The following FRAS1 variants were observed in gnomAD, a reference collection of about 807,000 sequenced individuals.
FRAS1 encodes the protein Fraser extracellular matrix complex subunit 1.
In FRAS1, 290 loss-of-function variants were observed where a neutral mutation model predicts 435.2. The observed-to-expected ratio is 0.67, with a 90% CI of 0.61 to 0.73. FRAS1 has a LOEUF of 0.73. FRAS1 is among the 30% of genes least tolerant of loss of function. FRAS1 has a pLI of 0.00. For missense variants in FRAS1, 4,860 were observed against 5,001.5 expected, an observed-to-expected ratio of 0.97 and a Z score of 0.85; for synonymous variants, 1,800 against 1,851.0, an observed-to-expected ratio of 0.97 and a Z score of 0.71.
chr4:78,409,621 T>C (rs1366268510), intron 31 of FRAS1, among the ~76,000 whole-genome samples: 1 of 152,194 alleles, frequency 6.6e-6, no homozygotes, highest in African/African-American at 2.4e-5. Flanking sequence ...CTGGCGAGCA[T>C]GATTTGGAAA....
chr4:78,329,465 C>T (rs1481664596), intron 18 of FRAS1, among the ~76,000 whole-genome samples: 3 of 152,196 alleles, frequency 2.0e-5, no homozygotes, highest in South Asian at 4.1e-4. Context: ...CCACCACTGC[C>T]GGAATGGCAT....
chr4:78,355,298 G>T (rs1200270855), intron 20 of FRAS1, among the ~76,000 whole-genome samples: 1 of 152,006 alleles, frequency 6.6e-6, no homozygotes, highest in East Asian at 1.9e-4. Context: ...TTCCATCTGT[G>T]CTCCCCCCAC....
chr4:78,511,658 C>T (rs1350092971), intron 64 of FRAS1, 152 bp downstream of exon 64: 5 of 716,718 alleles, frequency 7.0e-6, no homozygotes, highest in Non-Finnish European at 1.2e-5. Context: ...GTGAAGGTCC[C>T]TCAAGCTCGG....
At chr4:78,204,424 A>C (rs765042802) in intron 2 of FRAS1, among the ~76,000 whole-genome samples, 1 of 152,232 alleles carries the variant, frequency 6.6e-6, no homozygotes, top group Non-Finnish European at 1.5e-5. Context: ...TGCTTTCCCA[A>C]AGTAAATGTA....
intron 3 of FRAS1, among the ~76,000 whole-genome samples, chr4:78,240,135 T>C (rs373123712): frequency 2.4e-4 from 37 of 152,286 alleles, no homozygotes; most frequent in African/African-American, 8.9e-4. Context: ...TGCAGAGCCT[T>C]GTATGCTGTA....
rs542016656 is a variant in FRAS1, at chr4:78,475,731, A to G, written c.7851+125A>G. On this transcript the variant is annotated intron_variant, in intron 54 of 73. Transcript: ENST00000512123. ...ACTGGTGTCCTTCTTCAAGTATTAAATAGTTTTCCTATGTTCCCCTCCCAT... is the reference window on the plus strand; with the variant it reads ...ACTGGTGTCCTTCTTCAAGTATTAAGTAGTTTTCCTATGTTCCCCTCCCAT... 2.5e-3 allele frequency: 2,203 copies of G among 876,720 alleles called. 9 individuals carry two copies. Among genetic ancestry groups the G allele is most frequent in the Non-Finnish European group, 2.1e-3 (1,284 of 604,252 alleles). The allele number at this position is 876,720 out of a possible 1,614,324, so 54.3% of individuals were successfully genotyped here.
intron 2 of FRAS1, among the ~76,000 whole-genome samples, chr4:78,072,470 G>C (rs1740406872): frequency 6.6e-6 from 1 of 152,160 alleles, no homozygotes; most frequent in African/African-American, 2.4e-5. Context: ...TTCAGTGTTT[G>C]AAATCACCAC....
At chr4:78,059,422 C>T (rs1038298838) in intron 1 of FRAS1, among the ~76,000 whole-genome samples, 3 of 151,810 alleles carry the variant, frequency 2.0e-5, no homozygotes, top group South Asian at 2.1e-4. Context: ...AAAGGCACAT[C>T]TGGGGCCTGT....
At position 78,473,604 on chromosome 4, in the gene FRAS1, G is replaced by T. The variant is rs1375476761; in HGVS notation, c.7682+7G>T. The stretch of plus-strand genomic sequence containing the variant: ...TCAGCTTTAAATATACCAGGTACAA[G>T]TTTTACTGTGCTTTCCTTCTTGAGA... On this transcript the variant is annotated splice_region_variant and intron_variant, in intron 53 of 73. Coordinates refer to ENST00000512123, the MANE Select transcript of FRAS1 (RefSeq NM_025074.7). 12 of 1,567,710 alleles carry T rather than the reference G, an allele frequency of 7.7e-6. No homozygotes were observed. The highest frequency in any genetic ancestry group is 1.8e-5 in the Admixed American group (1 of 56,374).
chr4:78,245,236 G>A lies in FRAS1; in HGVS notation c.220G>A (p.Glu74Lys), dbSNP rs774414213. ...RNPQCAFEKG[E>K]VLQIAANQCC... is the part of the protein sequence containing the mutation. Reference sequence around the variant, plus strand: ...TGAGCTGCTTTTAAATGCTCAGGGAGAAGTGCTTCAAATAGCTGCCAACCA... The same window carrying A: ...TGAGCTGCTTTTAAATGCTCAGGGAAAAGTGCTTCAAATAGCTGCCAACCA... The change falls in exon 4 of 74, where the codon GAA (glutamate) becomes AAA (lysine). Residue 74 changes from glutamate to lysine, a missense_variant. By Grantham distance (56) the Glu-to-Lys change is moderately conservative (BLOSUM62 1). Transcript: ENST00000512123. The A allele has an allele frequency of 3.1e-6, 5 of 1,603,388 alleles. No homozygotes were observed. The highest frequency in any genetic ancestry group is 1.7e-6 in the Non-Finnish European group (2 of 1,174,432).
chr4:78,266,656 A>G (rs562176072), intron 7 of FRAS1, among the ~76,000 whole-genome samples, 178 bp from the exon 8 acceptor site: 3 of 152,364 alleles, frequency 2.0e-5, no homozygotes, highest in South Asian at 4.1e-4. Flanking sequence ...TCCTTTGGAC[A>G]TTTATTGACT....
At chr4:78,527,234 T>C (rs1721563762) in intron 70 of FRAS1, among the ~76,000 whole-genome samples, 1 of 152,206 alleles carries the variant, frequency 6.6e-6, no homozygotes, top group African/African-American at 2.4e-5. Context: ...GGAGACTTTA[T>C]AGAGCATAAC....
Position 78,521,520 on chromosome 4 carries a change from C to T in FRAS1, c.10541-3C>T, listed in dbSNP as rs755566222. The T allele has an allele frequency of 2.6e-5, 41 of 1,606,120 alleles. No homozygotes were observed. The highest frequency in any genetic ancestry group is 3.4e-5 in the Non-Finnish European group (40 of 1,175,810). On this transcript the variant is annotated splice_polypyrimidine_tract_variant and splice_region_variant and intron_variant, in intron 67 of 73. Coordinates refer to ENST00000512123, the MANE Select transcript of FRAS1 (RefSeq NM_025074.7). ...AGCATTTTCTCTCTGCTTTCCTGCC[C>T]AGGAATCCAGACAGACAGCGTGCTC...
chr4:78,325,078 A>G (rs1729666614), intron 18 of FRAS1, among the ~76,000 whole-genome samples: 1 of 152,190 alleles, frequency 6.6e-6, no homozygotes, highest in Admixed American at 6.5e-5. Context: ...AAGAATGCAG[A>G]GATAATAAAC....
Position 78,430,374 on chromosome 4 carries a change from G to T in FRAS1, c.4926G>T (p.Val1642=). The T allele has an allele frequency of 6.2e-7, 1 of 1,613,754 alleles. No homozygotes were observed. Among genetic ancestry groups the T allele is most frequent in the Non-Finnish European group, 8.5e-7 (1 of 1,179,824 alleles). ...FELRRPPQHG[V]LLKHTAEFRR... ...TTCGGAGACCTCCACAGCATGGTGT[G>T]CTTCTTAAGCATACAGCTGAGTTCC... Residue 1642 remains valine (V), a synonymous_variant, in exon 37 of 74, where the codon GTG becomes GTT. Transcript: ENST00000512123.
chr4:78,257,743 T>C (rs989862330), intron 6 of FRAS1, among the ~76,000 whole-genome samples: 9 of 152,184 alleles, frequency 5.9e-5, no homozygotes, highest in Non-Finnish European at 1.2e-4. Context: ...GTTAGCATAG[T>C]TATAATCACA....
rs1329058186 is a variant in FRAS1 at position 78,481,715 on chromosome 4, A to G, written c.8444-89A>G. 1.9e-5 allele frequency: 27 copies of G among 1,422,000 alleles called. No homozygotes were observed. The South Asian group carries it at 2.7e-4, about 14-fold the overall frequency. The allele number at this position is 1,422,000 out of a possible 1,614,324, so 88.1% of individuals were successfully genotyped here. A position where few individuals can be genotyped will look rare whatever the true frequency, so the allele number is the denominator to read the frequency against. On this transcript the variant is annotated intron_variant, in intron 56 of 73. Transcript: ENST00000512123. ...GCTCAAAGGGCTAAAAGCTGCCACT[A>G]TTGCAGTGAGGGAGAACATCATTCT...
rs1295131079 is a variant in FRAS1 at position 78,372,752 on chromosome 4, C to T, written c.2904C>T (p.Pro968=). The T allele has an allele frequency of 6.2e-7, 1 of 1,612,898 alleles. No homozygotes were observed. Among genetic ancestry groups the T allele is most frequent in the Non-Finnish European group, 8.5e-7 (1 of 1,179,738 alleles). Residue 968 remains proline, a synonymous_variant, in exon 24 of 74, where the codon CCC becomes CCT. Transcript: ENST00000512123. ...CDWSCSACSG[P]LKTDCLQCMD... ...GGAGCTGCAGTGCATGCAGTGGGCC[C>T]CTGAAAACAGACTGCCTGCAGTGCA... is the stretch of plus-strand genomic sequence containing the variant.
intron 2 of FRAS1, among the ~76,000 whole-genome samples, chr4:78,187,971 A>G (rs1018812372): frequency 2.0e-5 from 3 of 152,178 alleles, no homozygotes; most frequent in African/African-American, 7.2e-5. Context: ...ATCAGGATCA[A>G]CAGAGGTGCT....
Sources: allele counts gnomAD v4.1 joint callset (sites outside exome capture counted in the v4.1 genomes callset), GRCh38; gene constraint gnomAD v4.1.1; transcripts MANE v1.5; gene names NCBI Gene and HGNC (gene_info 2026-07-23, HGNC 2026-07-21).